The following NELL2 variants were observed in gnomAD, a reference collection of about 807,000 sequenced individuals.
NELL2 encodes the protein protein kinase C-binding protein NELL2.
NELL2 carries 41 observed loss-of-function variants against 109.6 expected under a neutral mutation model. The observed-to-expected ratio is 0.37, with a 90% CI of 0.29 to 0.49. The LOEUF (loss-of-function observed/expected upper bound fraction) is 0.49. Among genes scored for constraint, NELL2 ranks in the 20% least tolerant of loss-of-function variants. The probability of loss-of-function intolerance (pLI) is 0.98; values close to 1 mark genes in which losing one functional copy is unlikely to be tolerated. For missense variants in NELL2, 900 were observed against 1,008.3 expected, an observed-to-expected ratio of 0.89 and a Z score of 1.45; for synonymous variants, 355 against 344.7, an observed-to-expected ratio of 1.03 and a Z score of -0.33.
chr12:44,865,927 C>T (rs998584295), intron 2 of NELL2, among the ~76,000 whole-genome samples: 16 of 151,936 alleles, frequency 1.1e-4, no homozygotes, highest in South Asian at 4.2e-4. Context: ...TACGTCTTTC[C>T]GAGATTCAAA....
At chr12:44,854,640 C>A (rs1298807826) in intron 2 of NELL2, among the ~76,000 whole-genome samples, 2 of 148,562 alleles carry the variant, frequency 1.3e-5, no homozygotes, top group Non-Finnish European at 3.0e-5. Flanking sequence ...TTATTAGAGA[C>A]ATGTTTATTG....
At chr12:44,683,507 A>G (rs566481430) in intron 12 of NELL2, among the ~76,000 whole-genome samples, 125 of 152,186 alleles carry the variant, frequency 8.2e-4, no homozygotes, top group Admixed American at 3.2e-3. Context: ...CAGTTTTCAA[A>G]GGGAATGCTT....
At chr12:44,908,292 T>C (rs1254160668) in intron 1 of NELL2, among the ~76,000 whole-genome samples, 1 of 151,950 alleles carries the variant, frequency 6.6e-6, no homozygotes, top group Non-Finnish European at 1.5e-5. Flanking sequence ...ATAGAGGGTA[T>C]GTACAGGGGA....
chr12:44,588,933 T>G (rs2136222607), intron 15 of NELL2, among the ~76,000 whole-genome samples: 1 of 152,356 alleles, frequency 6.6e-6, no homozygotes, highest in East Asian at 1.9e-4. Flanking sequence ...CTATTTTTAA[T>G]AATTTTATTT....
At chr12:44,863,120 G>A (rs991022513) in intron 2 of NELL2, among the ~76,000 whole-genome samples, 5 of 151,596 alleles carry the variant, frequency 3.3e-5, no homozygotes, top group Admixed American at 2.6e-4. Flanking sequence ...ACAGGCCCCA[G>A]TGTGTGATGT....
chr12:44,882,834 CTTTTTTTTT>C (rs35577007), intron 1 of NELL2, among the ~76,000 whole-genome samples: 2 of 73,308 alleles, frequency 2.7e-5, no homozygotes, highest in East Asian at 5.3e-4. Flanking sequence ...GGCTATATAC[CTTTTTTTTT>C]TTTTTTTTTT....
At chr12:44,617,785 A>G (rs1945893037) in intron 13 of NELL2, among the ~76,000 whole-genome samples, 1 of 151,936 alleles carries the variant, frequency 6.6e-6, no homozygotes, top group Non-Finnish European at 1.5e-5. Flanking sequence ...GACACTTAAG[A>G]AAAATTAGTT....
At chr12:44,820,724 G>A (rs1254907530) in intron 2 of NELL2, among the ~76,000 whole-genome samples, 1 of 152,114 alleles carries the variant, frequency 6.6e-6, no homozygotes, top group Non-Finnish European at 1.5e-5. Flanking sequence ...AATGTTTCCA[G>A]CTGCAGAGAC....
chr12:44,651,473 T>C (rs1364000020), intron 13 of NELL2, among the ~76,000 whole-genome samples: 1 of 152,220 alleles, frequency 6.6e-6, no homozygotes, highest in African/African-American at 2.4e-5. Flanking sequence ...CAGCTGATAC[T>C]ACACTATAAT....
At position 44,624,072 on chromosome 12, in the gene NELL2, C is replaced by T. The variant is rs574392682; in HGVS notation, c.1445-13102G>A. Among the ~76,000 whole-genome samples the T allele has an allele frequency of 7.2e-5, 11 of 152,106 alleles. 1 individual carries two copies. The highest frequency in any genetic ancestry group is 2.0e-4 in the Admixed American group (3 of 15,266). ...ATGAGTGCAGCAAACCACCATGGCA[C>T]GTGTATACCCATGTAACAAAACTGC... is the stretch of plus-strand genomic sequence containing the variant. On this transcript the variant is annotated intron_variant, in intron 13 of 19. Transcript: ENST00000429094.
At chr12:44,905,030 T>C (rs937445198) in intron 1 of NELL2, among the ~76,000 whole-genome samples, 1 of 152,102 alleles carries the variant, frequency 6.6e-6, no homozygotes, top group African/African-American at 2.4e-5. Flanking sequence ...TCTTCAACTT[T>C]ATGAGATCAT....
chr12:44,531,254 T>A (rs551414697), intron 16 of NELL2, among the ~76,000 whole-genome samples: 1 of 152,338 alleles, frequency 6.6e-6, no homozygotes, highest in South Asian at 2.1e-4. Context: ...TTATTTATAA[T>A]CAGCTTATAT....
chr12:44,807,047 G>A (rs986307193), intron 3 of NELL2, among the ~76,000 whole-genome samples: 2 of 151,150 alleles, frequency 1.3e-5, no homozygotes, highest in Non-Finnish European at 3.0e-5. Flanking sequence ...TACAAAGCAA[G>A]ACTACCTGAT....
At chr12:44,741,698 G>C (rs563793521) in intron 9 of NELL2, among the ~76,000 whole-genome samples, 1 of 152,190 alleles carries the variant, frequency 6.6e-6, no homozygotes, top group Non-Finnish European at 1.5e-5. Context: ...ACAGAGTCTC[G>C]CTCATTACTA....
At chr12:44,851,952 C>T (rs1944547208) in intron 2 of NELL2, 1 of 152,098 alleles carries the variant, frequency 6.6e-6, no homozygotes, top group African/African-American at 2.4e-5. Context: ...AGCATTTGAT[C>T]TTTTATTTTT....
intron 9 of NELL2, among the ~76,000 whole-genome samples, chr12:44,721,653 A>T (rs1238540615): frequency 6.6e-6 from 1 of 151,962 alleles, no homozygotes; most frequent in African/African-American, 2.4e-5. Flanking sequence ...ATTTAGACAC[A>T]TGTTGTTTTG....
At chr12:44,547,339 C>G (rs1042026701) in intron 15 of NELL2, among the ~76,000 whole-genome samples, 1 of 152,138 alleles carries the variant, frequency 6.6e-6, no homozygotes, top group African/African-American at 2.4e-5. Context: ...AATTATAGCA[C>G]GTGCATAAAA....
chr12:44,910,803 C>A (rs74686812), intron 1 of NELL2, among the ~76,000 whole-genome samples: 1,598 of 152,018 alleles, frequency 0.011, 31 homozygotes, highest in East Asian at 0.048. Context: ...ATGTTCTTCG[C>A]AGCAATATGG....
chr12:44,883,100 T>C (rs1427733110), intron 1 of NELL2, among the ~76,000 whole-genome samples: 2 of 151,394 alleles, frequency 1.3e-5, no homozygotes, highest in Non-Finnish European at 2.9e-5. Context: ...CAACCTGCCT[T>C]GGTCTCCCAA....
Sources: allele counts gnomAD v4.1 joint callset (sites outside exome capture counted in the v4.1 genomes callset), GRCh38; gene constraint gnomAD v4.1.1; transcripts MANE v1.5; gene names NCBI Gene and HGNC (gene_info 2026-07-23, HGNC 2026-07-21).